Variants in NOS3 observed in about 807,000 individuals in gnomAD.
NOS3 encodes nitric oxide synthase 3.
In NOS3, 98 loss-of-function variants were observed where a neutral mutation model predicts 144.9. The ratio of observed to expected loss-of-function variants is 0.68; its 90% CI spans 0.57 to 0.80. The LOEUF is 0.80. NOS3 is among the 30% of genes least tolerant of loss of function. The probability of loss-of-function intolerance (pLI) is 0.00; values close to 1 mark genes in which losing one functional copy is unlikely to be tolerated. For synonymous variants in NOS3, 714 were observed against 702.4 expected (o/e 1.02, Z -0.26); for missense variants, 1,465 against 1,656.4 (o/e 0.88, Z 2.01).
rs1376658633 is a variant in NOS3 at position 151,014,081 on chromosome 7, C to T, written c.3524C>T (p.Thr1175Ile). The change falls in exon 27 of 27, where the codon ACC (threonine) becomes ATC (isoleucine). Residue 1175 changes from threonine to isoleucine, a missense_variant. Physicochemically the swap from Thr to Ile is moderately conservative, Grantham distance 89. Transcript: ENST00000297494. Reference sequence around the variant, plus strand: ...CAGGAGGTGACAAGCCGCATACGCACCCAGAGCTTTTCCTTGCAGGAGCGT... The same window carrying T: ...CAGGAGGTGACAAGCCGCATACGCATCCAGAGCTTTTCCTTGCAGGAGCGT... ...RTQEVTSRIR[T>I]QSFSLQERQL... 5.6e-6 allele frequency: 9 copies of T among 1,613,934 alleles called. No individual in the cohort carries two copies. The highest frequency in any genetic ancestry group is 5.9e-6 in the Non-Finnish European group (7 of 1,179,966).
At chr7:151,001,702 C>T in intron 12 of NOS3, 85 bp downstream of exon 12, 2 of 1,565,824 alleles carry the variant, frequency 1.3e-6, no homozygotes, top group South Asian at 2.2e-5. Flanking sequence ...CCTGCCCCAG[C>T]AGTGTTCTGG....
rs1003822772 is a variant in NOS3, at chr7:150,998,261, G to A, written c.583-96G>A. ...GGAGGGCGCCATGGAGTGAACCATG[G>A]CCCCTGCCTCCTCACCAGCAGCTCC... On this transcript the variant is annotated intron_variant, in intron 5 of 26. Coordinates refer to ENST00000297494, the MANE Select transcript of NOS3 (RefSeq NM_000603.5). The surrounding 1 kb of genome is among the most constrained non-coding windows in gnomAD (Gnocchi z 5.0). 3 of 1,088,934 alleles carry A rather than the reference G, an allele frequency of 2.8e-6. No homozygotes were observed. The highest frequency in any genetic ancestry group is 1.5e-5 in the African/African-American group (1 of 64,658). 67.5% of individuals were successfully genotyped at this position (1,088,934 alleles called of 1,614,324 possible).
chr7:151,010,784 C>CTG lies in NOS3; in HGVS notation c.2876_2877dup (p.Leu960CysfsTer22). 1 of 1,612,766 alleles carries CTG rather than the reference C, an allele frequency of 6.2e-7. No homozygotes were observed. Among genetic ancestry groups the CTG allele is most frequent in the Non-Finnish European group, 8.5e-7 (1 of 1,179,444 alleles). The stretch of plus-strand genomic sequence containing the variant: ...CCAGGAGAGATCCACCTCACTGTAG[C>CTG]TGTGCTGGCATACAGGACTCAGGGT... On this transcript the variant is annotated frameshift_variant, in exon 22 of 27. Coordinates refer to ENST00000297494, the MANE Select transcript of NOS3 (RefSeq NM_000603.5). LOFTEE classifies it high-confidence loss of function.
At chr7:151,004,108 G>A (rs1323149912) in intron 14 of NOS3, among the ~76,000 whole-genome samples, 4 of 152,320 alleles carry the variant, frequency 2.6e-5, no homozygotes, top group South Asian at 2.1e-4. Flanking sequence ...AGGCCCAGGT[G>A]GGTGGATCAC....
At chr7:150,997,079 C>A (rs1802447620) in intron 5 of NOS3, among the ~76,000 whole-genome samples, 154 bp downstream of exon 5, 1 of 152,154 alleles carries the variant, frequency 6.6e-6, no homozygotes, top group African/African-American at 2.4e-5. Context: ...AGGGGGACTG[C>A]CCCACCCTCA....
intron 24 of NOS3, 41 bp downstream of exon 24, chr7:151,012,513 C>A: frequency 1.3e-6 from 2 of 1,593,392 alleles, no homozygotes; most frequent in Non-Finnish European, 1.7e-6. Context: ...GGGAGTCACA[C>A]AATCTAGGGA....
Position 151,010,763 on chromosome 7 carries a change from G to A in NOS3, c.2852G>A (p.Gly951Glu). The change falls in exon 22 of 27, where the codon GGA becomes GAA. Residue 951 changes from glycine (G) to glutamate (E), a missense_variant. Physicochemically the swap from Gly to Glu is moderately conservative, Grantham distance 98. Transcript: ENST00000297494. ...SVSSAPSTHP[G>E]EIHLTVAVLA... ...AGCTCGGCACCCAGCACCCACCCAG[G>A]AGAGATCCACCTCACTGTAGCTGTG... 1 of 1,613,484 alleles carries A rather than the reference G, an allele frequency of 6.2e-7. No homozygotes were observed. The highest frequency in any genetic ancestry group is 8.5e-7 in the Non-Finnish European group (1 of 1,179,790).
At position 151,001,383 on chromosome 7, in the gene NOS3, G is replaced by C. The variant is rs774136180; in HGVS notation, c.1386G>C (p.Gln462His). 3.1e-6 allele frequency: 5 copies of C among 1,608,530 alleles called. No homozygotes were observed. In the African/African-American group the frequency reaches 6.7e-5, roughly 21 times the overall value. ...GCAGCCTCACTCCTGTTTTCCATCA[G>C]GAGATGGTCAACTATTTCCTGTCCC... The part of the protein sequence containing the change: ...ISGSLTPVFH[Q>H]EMVNYFLSPA... The change falls in exon 11 of 27, where the codon CAG (glutamine) becomes CAC (histidine). Residue 462 changes from glutamine (Q) to histidine (H), a missense_variant. Around this residue, in one of 5 missense-constraint regions of NOS3, gnomAD observed 745 missense variants for 853.9 expected, o/e 0.87. Transcript: ENST00000297494.
At chr7:151,006,777 G>T in intron 15 of NOS3, 112 bp from the exon 16 acceptor site, 1 of 891,420 alleles carries the variant, frequency 1.1e-6, no homozygotes, top group Non-Finnish European at 1.8e-6. Context: ...CAAGGGCAGG[G>T]CCTTTCCTGT....
At chr7:151,012,987 G>GCA (rs1795339914) in intron 24 of NOS3, 1 of 524,788 alleles carries the variant, frequency 1.9e-6, no homozygotes, top group Non-Finnish European at 3.3e-6. Context: ...CCGAAGCCGC[G>GCA]CATTCTAGCG....
chr7:150,995,533 T>TG, intron 3 of NOS3, among the ~76,000 whole-genome samples: 1 of 123,786 alleles, frequency 8.1e-6, no homozygotes, highest in African/African-American at 3.1e-5. Flanking sequence ...GCTCAAACTC[T>TG]CCCCCATCCC....
intron 24 of NOS3, 93 bp downstream of exon 24, chr7:151,012,565 G>A: frequency 6.9e-7 from 1 of 1,444,912 alleles, no homozygotes; most frequent in Non-Finnish European, 9.4e-7. Flanking sequence ...GAAAGAGAGG[G>A]CAGGAAACAA....
At position 150,993,758 on chromosome 7, in the gene NOS3, G is replaced by T; in HGVS notation, c.-46G>T. ...GTCCCCTCCCTCTTCCTAAGGAAAAGGCCAGGGCTCTGCTGGAGCAGGCAG... is the reference window on the plus strand; with the variant it reads ...GTCCCCTCCCTCTTCCTAAGGAAAATGCCAGGGCTCTGCTGGAGCAGGCAG... On this transcript the variant is annotated 5_prime_UTR_variant, in exon 2 of 27. The change creates a new upstream start codon in the 5' untranslated region. Coordinates refer to ENST00000297494, the MANE Select transcript of NOS3 (RefSeq NM_000603.5). This position sits in a 1 kb window ranked among gnomAD's most constrained non-coding sequence, Gnocchi z 4.0. 1 of 1,564,108 alleles carries T rather than the reference G, an allele frequency of 6.4e-7. No individual in the cohort carries two copies. The highest frequency in any genetic ancestry group is 1.2e-5 in the South Asian group (1 of 83,598).
chr7:150,995,356 G>A lies in NOS3; in HGVS notation c.270+42G>A, dbSNP rs1800781. The A allele has an allele frequency of 0.14, 194,520 of 1,406,146 alleles. 14,546 individuals are homozygous for A. Among genetic ancestry groups the A allele is most frequent in the Non-Finnish European group, 0.15 (147,640 of 1,000,258 alleles). The allele number at this position is 1,406,146 out of a possible 1,614,324, so 87.1% of individuals were successfully genotyped here. A position where few individuals can be genotyped will look rare whatever the true frequency, so the allele number is the denominator to read the frequency against. ...CTGTCCCCATCGTCTCCAGGGAAAGGGTGGGTAAGGCCTGGCCTCAGATGG... is the reference window on the plus strand; with the variant it reads ...CTGTCCCCATCGTCTCCAGGGAAAGAGTGGGTAAGGCCTGGCCTCAGATGG... On this transcript the variant is annotated intron_variant, in intron 3 of 26. Transcript: ENST00000297494.
In NOS3 at chr7:150,996,943, C is replaced by A. The variant is rs1407747523; in HGVS notation, c.582+18C>A. On this transcript the variant is annotated intron_variant, in intron 5 of 26. Transcript: ENST00000297494. ...AGCTGCAGGTGCGGCTGGCCAGCGA[C>A]TGAGAGACCCGGGCGCTACCAAAAG... 1.9e-6 allele frequency: 3 copies of A among 1,549,034 alleles called. No homozygotes were observed. The highest frequency in any genetic ancestry group is 2.6e-6 in the Non-Finnish European group (3 of 1,147,208).
intron 21 of NOS3, 88 bp downstream of exon 21, chr7:151,010,375 C>A (rs1322391106): frequency 2.3e-6 from 3 of 1,302,244 alleles, no homozygotes; most frequent in East Asian, 2.4e-5. Context: ...CATGCAAAGT[C>A]CCCCCTGGAC....
chr7:151,000,939 C>T lies in NOS3; in HGVS notation c.1234-292C>T, dbSNP rs151336879. Among the ~76,000 whole-genome samples, 128 of 152,204 alleles carry T rather than the reference C, an allele frequency of 8.4e-4. 1 individual carries two copies. The highest frequency in any genetic ancestry group is 2.8e-3 in the African/African-American group (117 of 41,518). Reference sequence around the variant, plus strand: ...CCAGGATCAAGGGCACACCAGGAGTCGTAGTTTGAGGAAGCCGGGGCCTGC... The same window carrying T: ...CCAGGATCAAGGGCACACCAGGAGTTGTAGTTTGAGGAAGCCGGGGCCTGC... On this transcript the variant is annotated intron_variant, in intron 10 of 26. Coordinates refer to ENST00000297494, the MANE Select transcript of NOS3 (RefSeq NM_000603.5).
chr7:150,996,978 G>C lies in NOS3; in HGVS notation c.582+53G>C, dbSNP rs914216613. On this transcript the variant is annotated intron_variant, in intron 5 of 26. Transcript: ENST00000297494. The stretch of plus-strand genomic sequence containing the variant: ...CGGGCGCTACCAAAAGGGGAGCGGG[G>C]TGGCGGGGCAGTTCCTAAGGCTTCC... The C allele has an allele frequency of 1.8e-5, 27 of 1,518,984 alleles. No individual in the cohort carries two copies. In the African/African-American group the frequency reaches 2.9e-4, roughly 16 times the overall value. 94.1% of individuals were successfully genotyped at this position (1,518,984 alleles called of 1,614,324 possible).
chr7:151,012,790 G>C (rs917333045), intron 24 of NOS3: 2 of 340,916 alleles, frequency 5.9e-6, no homozygotes, highest in Non-Finnish European at 5.5e-6. Flanking sequence ...AGAGCTGACC[G>C]AGGTCTGTCC....
Sources: gnomAD v4.1 joint callset for allele counts (sites outside exome capture counted in the v4.1 genomes callset) on GRCh38, gnomAD v4.1.1 for gene constraint, gnomAD v4.1.1 regional missense constraint, Gnocchi (gnomAD v3.1) non-coding constraint, MANE v1.5 for transcripts, NCBI Gene and HGNC (gene_info 2026-07-23, HGNC 2026-07-21) for gene names.